PDPN: variants seen among roughly 807,000 people sequenced by gnomAD.
The protein encoded by PDPN is PA2.26 antigen.
PDPN carries 12 observed loss-of-function variants against 23.2 expected under a neutral mutation model. That is an observed-to-expected ratio of 0.52 (90% CI 0.33 to 0.84). The LOEUF (loss-of-function observed/expected upper bound fraction) is 0.84, where lower values mean the gene tolerates loss of function less well. Among genes scored for constraint, PDPN ranks in the 40% least tolerant of loss-of-function variants. The probability of loss-of-function intolerance (pLI) is 0.02; values close to 1 mark genes in which losing one functional copy is unlikely to be tolerated. For missense variants in PDPN, 199 were observed against 212.2 expected, an observed-to-expected ratio of 0.94 and a Z score of 0.39; for synonymous variants, 77 against 76.7, an observed-to-expected ratio of 1.00 and a Z score of -0.02.
rs911273413 is a variant in PDPN at position 13,617,345 on chromosome 1, A to G, written c.*1434A>G. 5 of 152,136 alleles carry G rather than the reference A, an allele frequency of 3.3e-5. No homozygotes were observed. The highest frequency in any genetic ancestry group is 1.2e-4 in the African/African-American group (5 of 41,408). The allele number at this position is 152,136 out of a possible 1,614,324, so 9.4% of individuals were successfully genotyped here. On this transcript the variant is annotated 3_prime_UTR_variant, in exon 6 of 6. Transcript: ENST00000621990. The stretch of plus-strand genomic sequence containing the variant: ...ATGATGTCTGGATGTTATTTTAAAC[A>G]GTGTGTCTGTGTGTTCCCAAATCCA...
chr1:13,591,950 C>G (rs751787778), intron 1 of PDPN, among the ~76,000 whole-genome samples: 1 of 152,224 alleles, frequency 6.6e-6, no homozygotes, highest in South Asian at 2.1e-4. Context: ...TCTGGTTTCT[C>G]CACATCCCCA....
chr1:13,585,121 T>C (rs1007310849), intron 1 of PDPN, among the ~76,000 whole-genome samples: 1 of 152,198 alleles, frequency 6.6e-6, no homozygotes, highest in Non-Finnish European at 1.5e-5. Flanking sequence ...GTAACCTAAC[T>C]CGTGATCTTT....
At chr1:13,615,642 A>T (rs962350404) in intron 5 of PDPN, among the ~76,000 whole-genome samples, 4 of 152,066 alleles carry the variant, frequency 2.6e-5, no homozygotes. Context: ...GGGAGGGGAG[A>T]GGACAAGTGA....
At chr1:13,592,500 A>C (rs1640372853) in intron 1 of PDPN, among the ~76,000 whole-genome samples, 1 of 149,324 alleles carries the variant, frequency 6.7e-6, no homozygotes, top group Non-Finnish European at 1.5e-5. Flanking sequence ...ATTCTTTTGC[A>C]TGTGGGTATC....
chr1:13,586,431 G>A (rs568657325), intron 1 of PDPN, among the ~76,000 whole-genome samples: 2 of 152,046 alleles, frequency 1.3e-5, no homozygotes, highest in African/African-American at 2.4e-5. Context: ...AAATGTGTCC[G>A]GGCATGAGAA....
chr1:13,602,184 C>T (rs534217459), intron 1 of PDPN, among the ~76,000 whole-genome samples: 16 of 152,190 alleles, frequency 1.1e-4, no homozygotes, highest in East Asian at 9.7e-4. Context: ...AAAAATTAGC[C>T]GGGTGTGGTG....
chr1:13,612,160 A>G (rs1640951768), intron 3 of PDPN, among the ~76,000 whole-genome samples: 6 of 152,054 alleles, frequency 3.9e-5, no homozygotes. Context: ...CCTACTTAAT[A>G]CATCGTTATT....
rs761014382 is a variant in PDPN at position 13,610,508 on chromosome 1, A to G, written c.323A>G (p.His108Arg). The G allele has an allele frequency of 1.2e-6, 2 of 1,613,330 alleles. No individual in the cohort carries two copies. Among genetic ancestry groups the G allele is most frequent in the South Asian group, 1.1e-5 (1 of 90,988 alleles). Residue 108 changes from histidine (H) to arginine (R), a missense_variant, in exon 3 of 6, where the codon CAC becomes CGC. By Grantham distance (29) the His-to-Arg change is conservative. Transcript: ENST00000621990. ...SATASNVATS[H>R]STEKVDGDTQ... The stretch of plus-strand genomic sequence containing the variant: ...ACAGCCTCAAACGTGGCCACCAGTC[A>G]CTCCACGGGTAAGAAAACCAGCCAC...
intron 5 of PDPN, chr1:13,614,722 G>A: frequency 2.3e-6 from 1 of 441,864 alleles, no homozygotes; most frequent in Non-Finnish European, 4.4e-6. Context: ...AGGAATTTGA[G>A]GCTGCAGTGA....
rs150530850 is a variant in PDPN at position 13,595,919 on chromosome 1, C to T, written c.68-11254C>T. The T allele has an allele frequency of 9.0e-4, 1,141 of 1,270,460 alleles. 9 individuals are homozygous for T. In the East Asian group the frequency reaches 0.018, roughly 20 times the overall value. 78.7% of individuals were successfully genotyped at this position (1,270,460 alleles called of 1,614,324 possible). A position where few individuals can be genotyped will look rare whatever the true frequency, so the allele number is the denominator to read the frequency against. Reference sequence around the variant, plus strand: ...GATAATTTTAAAGAAGTGTTCCGGCCGGGTGCAGTGGCTCACAACTGTAAT... The same window carrying T: ...GATAATTTTAAAGAAGTGTTCCGGCTGGGTGCAGTGGCTCACAACTGTAAT... On this transcript the variant is annotated intron_variant, in intron 1 of 5. Coordinates refer to ENST00000621990, the MANE Select transcript of PDPN (RefSeq NM_006474.5).
intron 1 of PDPN, among the ~76,000 whole-genome samples, chr1:13,596,592 G>A (rs372215606): frequency 1.2e-3 from 178 of 152,324 alleles, no homozygotes; most frequent in African/African-American, 1.3e-3. Flanking sequence ...GGCTTTCTTC[G>A]TGTAAAGGAG....
chr1:13,609,692 T>C (rs920579084), intron 2 of PDPN, among the ~76,000 whole-genome samples: 6 of 152,232 alleles, frequency 3.9e-5, no homozygotes, highest in Admixed American at 6.5e-5. Flanking sequence ...TACTTGTCTT[T>C]TGTGACTGGT....
chr1:13,611,425 A>T (rs1162633890), intron 3 of PDPN, among the ~76,000 whole-genome samples: 1 of 152,164 alleles, frequency 6.6e-6, no homozygotes, highest in Non-Finnish European at 1.5e-5. Flanking sequence ...GACACATAAT[A>T]CAACATGGAG....
At chr1:13,592,859 ATTCT>A (rs934539893) in intron 1 of PDPN, among the ~76,000 whole-genome samples, 3 of 152,112 alleles carry the variant, frequency 2.0e-5, no homozygotes, top group African/African-American at 7.2e-5. Context: ...CAAAAAGATG[ATTCT>A]TTCTTCGCTG....
intron 3 of PDPN, among the ~76,000 whole-genome samples, chr1:13,611,284 C>A (rs1640929695): frequency 6.6e-6 from 1 of 151,422 alleles, no homozygotes; most frequent in African/African-American, 2.4e-5. Context: ...TTTGTACCCC[C>A]ATGTTTATAG....
intron 1 of PDPN, among the ~76,000 whole-genome samples, chr1:13,596,149 A>G (rs1640491270): frequency 6.6e-6 from 1 of 151,310 alleles, no homozygotes; most frequent in African/African-American, 2.4e-5. Context: ...CAATGAGCCA[A>G]GATTGCACCA....
At chr1:13,586,374 T>C (rs1162154467) in intron 1 of PDPN, among the ~76,000 whole-genome samples, 1 of 152,170 alleles carries the variant, frequency 6.6e-6, no homozygotes, top group Non-Finnish European at 1.5e-5. Flanking sequence ...ATTGCACTGG[T>C]GTATAAGATC....
In PDPN at chr1:13,613,437, A is replaced by AT. The variant is rs1392623269; in HGVS notation, c.332-248dup. 3.9e-5 allele frequency among the ~76,000 whole-genome samples: 6 copies of AT among 152,278 alleles called. No individual in the cohort carries two copies. The East Asian group carries it at 1.2e-3, about 29-fold the overall frequency. ...TTTACTCTGCTTTCTAAACTATAAA[A>AT]TTAATACGTAGAAAAGTGCTATGAA... On this transcript the variant is annotated intron_variant, in intron 3 of 5. Coordinates refer to ENST00000621990, the MANE Select transcript of PDPN (RefSeq NM_006474.5).
rs1273901711 is a variant in PDPN at position 13,617,414 on chromosome 1, G to C, written c.*1503G>C. ...GATTCCATTTTTTTTGTGTGTGTGT[G>C]TGAAACGTAGTCTGCAACTCTGCCT... On this transcript the variant is annotated 3_prime_UTR_variant, in exon 6 of 6. Coordinates refer to ENST00000621990, the MANE Select transcript of PDPN (RefSeq NM_006474.5). 6.9e-6 allele frequency: 1 copy of C among 145,282 alleles called. No individual in the cohort carries two copies. Among genetic ancestry groups the C allele is most frequent in the Non-Finnish European group, 1.5e-5 (1 of 68,004 alleles). 9.0% of individuals were successfully genotyped at this position (145,282 alleles called of 1,614,324 possible).
Sources: gnomAD v4.1 joint callset for allele counts (sites outside exome capture counted in the v4.1 genomes callset) on GRCh38, gnomAD v4.1.1 for gene constraint, MANE v1.5 for transcripts, NCBI Gene and HGNC (gene_info 2026-07-23, HGNC 2026-07-21) for gene names.